The following ASCC2 variants were observed in gnomAD, a reference collection of about 807,000 sequenced individuals.
ASCC2 encodes activating signal cointegrator 1 complex subunit 2, also known as ASC-1 complex subunit P100.
ASCC2 carries 42 observed loss-of-function variants against 93.5 expected under a neutral mutation model. The ratio of observed to expected loss-of-function variants is 0.45; its 90% confidence interval spans 0.35 to 0.58. ASCC2 has a LOEUF of 0.58. ASCC2 is among the 20% of genes least tolerant of loss of function. The probability of loss-of-function intolerance (pLI) is 0.00; values close to 1 mark genes in which losing one functional copy is unlikely to be tolerated. For missense variants in ASCC2, 859 were observed against 977.6 expected (o/e 0.88, Z 1.62); for synonymous variants, 364 against 384.2 (o/e 0.95, Z 0.62).
chr22:29,792,405 C>T, intron 18 of ASCC2, 28 bp downstream of exon 18: 1 of 1,612,738 alleles, frequency 6.2e-7, no homozygotes, highest in Non-Finnish European at 8.5e-7. Context: ...GCACTCTCCC[C>T]TTCATCTGCT....
chr22:29,808,412 G>C (rs2059925111), intron 8 of ASCC2, among the ~76,000 whole-genome samples: 1 of 152,162 alleles, frequency 6.6e-6, no homozygotes, highest in Admixed American at 6.5e-5. Flanking sequence ...TCATTCAGAT[G>C]GGCAACTGAG....
In ASCC2 at chr22:29,796,791, G is replaced by A. The variant is rs2058496027; in HGVS notation, c.1689-3115C>T. On this transcript the variant is annotated intron_variant, in intron 15 of 19. Transcript: ENST00000307790. ...ATGCATTTGACACATATTTCCTAAG[G>A]GCCTAATAGGTTCCAGGACCTGTGC... 2.0e-5 allele frequency among the ~76,000 whole-genome samples: 3 copies of A among 152,294 alleles called. No individual in the cohort carries two copies. The South Asian group carries it at 6.2e-4, about 32-fold the overall frequency.
chr22:29,822,003 C>CT (rs752194371), intron 5 of ASCC2: 136 of 394,420 alleles, frequency 3.4e-4, no homozygotes, highest in Admixed American at 5.7e-4. Flanking sequence ...TGTCTTTTTT[C>CT]TTTTTTTTTG....
chr22:29,806,836 A>G lies in ASCC2; in HGVS notation c.977T>C (p.Ile326Thr). 6.2e-7 allele frequency: 1 copy of G among 1,614,028 alleles called. No individual in the cohort carries two copies. The highest frequency in any genetic ancestry group is 1.1e-5 in the South Asian group (1 of 91,078). ...GGGAAGGAGGCAGATCTGGTTCAGG[A>G]TGATGTGGAAAATCTCCATTAGCTT... ...RKKLMEIFHI[I>T]LNQICLLPIL... Residue 326 changes from isoleucine (I) to threonine (T), a missense_variant, in exon 10 of 20, where the codon ATC (isoleucine) becomes ACC (threonine). Coordinates refer to ENST00000307790, the MANE Select transcript of ASCC2 (RefSeq NM_032204.5).
chr22:29,833,907 G>A (rs1043899561), intron 1 of ASCC2, among the ~76,000 whole-genome samples: 2 of 150,980 alleles, frequency 1.3e-5, no homozygotes, highest in Non-Finnish European at 3.0e-5. Context: ...AATAGAGACG[G>A]GGTTTCACCA....
chr22:29,811,375 T>C (rs1188644583), intron 8 of ASCC2, among the ~76,000 whole-genome samples: 2 of 152,236 alleles, frequency 1.3e-5, no homozygotes, highest in East Asian at 3.8e-4. Flanking sequence ...AGGGGGACTT[T>C]CCAGTGTGTA....
At chr22:29,798,555 C>T (rs2058711019) in intron 15 of ASCC2, among the ~76,000 whole-genome samples, 1 of 152,234 alleles carries the variant, frequency 6.6e-6, no homozygotes, top group Non-Finnish European at 1.5e-5. Flanking sequence ...CCCTACCTTA[C>T]ACCGCCTTGT....
chr22:29,801,791 A>G (rs2059112241), intron 14 of ASCC2, among the ~76,000 whole-genome samples: 1 of 151,924 alleles, frequency 6.6e-6, no homozygotes, highest in African/African-American at 2.4e-5. Flanking sequence ...GGATGTGTAC[A>G]CTCTCTGCCC....
intron 15 of ASCC2, among the ~76,000 whole-genome samples, chr22:29,799,828 C>T (rs2058869388): frequency 6.6e-6 from 1 of 152,174 alleles, no homozygotes; most frequent in Admixed American, 6.5e-5. Context: ...TACTGTGTCA[C>T]CCAGGCTGGA....
chr22:29,789,027 T>C lies in ASCC2; in HGVS notation c.2260A>G (p.Met754Val). Residue 754 changes from methionine to valine, a missense_variant, in exon 20 of 20, where the codon ATG becomes GTG. Transcript: ENST00000307790. ...TMADRKRSKG[M>V]IPS ...TGCACCAGGTCTCAGGATGGGATCA[T>C]GCCTTTGCTCCTCTTGCGGTCGGCC... 2 of 1,614,204 alleles carry C rather than the reference T, an allele frequency of 1.2e-6. No individual in the cohort carries two copies. Among genetic ancestry groups the C allele is most frequent in the South Asian group, 1.1e-5 (1 of 91,086 alleles).
In ASCC2 at chr22:29,825,861, A is replaced by G; in HGVS notation, c.82-81T>C. 1 of 1,503,656 alleles carries G rather than the reference A, an allele frequency of 6.7e-7. No individual in the cohort carries two copies. The highest frequency in any genetic ancestry group is 9.0e-7 in the Non-Finnish European group (1 of 1,113,596). 93.1% of individuals were successfully genotyped at this position (1,503,656 alleles called of 1,614,324 possible). On this transcript the variant is annotated intron_variant, in intron 2 of 19. Transcript: ENST00000307790. This position sits in a 1 kb window ranked among gnomAD's most constrained non-coding sequence, Gnocchi z 4.9. ...TTTGCCAACCCACAGCAATGACAAC[A>G]CTTGGCTGTTCCAACCGGTGACCCT...
At chr22:29,789,428 G>A (rs997563149) in intron 19 of ASCC2, among the ~76,000 whole-genome samples, 5 of 152,188 alleles carry the variant, frequency 3.3e-5, no homozygotes, top group Admixed American at 6.5e-5. Context: ...CCATTGCTAC[G>A]TGTAGCGGAG....
At chr22:29,793,052 G>A (rs1451420389) in intron 17 of ASCC2, among the ~76,000 whole-genome samples, 2 of 152,268 alleles carry the variant, frequency 1.3e-5, no homozygotes, top group Non-Finnish European at 2.9e-5. Flanking sequence ...TCAGGAGGCT[G>A]AGGTGGGATG....
At chr22:29,789,689 G>C (rs2068687292) in intron 19 of ASCC2, among the ~76,000 whole-genome samples, 1 of 152,212 alleles carries the variant, frequency 6.6e-6, no homozygotes, top group African/African-American at 2.4e-5. Flanking sequence ...AGAAGTCAGG[G>C]TTGCTCTGCT....
rs1026743738 is a variant in ASCC2, at chr22:29,806,163, C to G, written c.1160+53G>C. The stretch of plus-strand genomic sequence containing the variant: ...TCTGGGTTCCAGCAGCCTGTCTCAC[C>G]TCTGACCTAGTCAAGCTGGGCCCTG... On this transcript the variant is annotated intron_variant, in intron 12 of 19. Coordinates refer to ENST00000307790, the MANE Select transcript of ASCC2 (RefSeq NM_032204.5). 2.5e-6 allele frequency: 4 copies of G among 1,581,710 alleles called. No individual in the cohort carries two copies. In the African/African-American group the frequency reaches 5.4e-5, roughly 21 times the overall value.
chr22:29,795,383 T>A (rs1426297023), intron 15 of ASCC2, among the ~76,000 whole-genome samples: 1 of 152,164 alleles, frequency 6.6e-6, no homozygotes, highest in African/African-American at 2.4e-5. Flanking sequence ...AACAAAATTT[T>A]TTTTCATTTT....
Position 29,788,933 on chromosome 22 carries a change from T to C in ASCC2, c.*80A>G. The C allele has an allele frequency of 6.4e-7, 1 of 1,569,522 alleles. No individual in the cohort carries two copies. Among genetic ancestry groups the C allele is most frequent in the South Asian group, 1.1e-5 (1 of 88,126 alleles). ...GGGGTTGAGTTGAACTTGGGGCCCC[T>C]AGTGAGGAGGCCCCAGGCGATGGGA... is the stretch of plus-strand genomic sequence containing the variant. On this transcript the variant is annotated 3_prime_UTR_variant, in exon 20 of 20. Transcript: ENST00000307790.
intron 18 of ASCC2, 88 bp from the exon 19 acceptor site, chr22:29,790,636 T>C: frequency 7.4e-7 from 1 of 1,349,206 alleles, no homozygotes; most frequent in Non-Finnish European, 1.1e-6. Context: ...GTGAAGCTTG[T>C]CGATGCCTCC....
intron 2 of ASCC2, among the ~76,000 whole-genome samples, chr22:29,826,870 G>A (rs1310334414): frequency 1.3e-5 from 2 of 151,976 alleles, no homozygotes; most frequent in Admixed American, 1.3e-4. Flanking sequence ...GGCTGAGGCA[G>A]GCAGATCACG....
Sources: gnomAD v4.1 joint callset for allele counts (sites outside exome capture counted in the v4.1 genomes callset) on GRCh38, gnomAD v4.1.1 for gene constraint, Gnocchi (gnomAD v3.1) non-coding constraint, MANE v1.5 for transcripts, NCBI Gene and HGNC (gene_info 2026-07-23, HGNC 2026-07-21) for gene names.